NAA40: variants seen among roughly 807,000 people sequenced by gnomAD.
NAA40 encodes N-alpha-acetyltransferase 40.
Under a neutral mutation model 36.6 loss-of-function variants are expected in NAA40, and 26 were observed. The observed-to-expected ratio is 0.71, with a 90% CI of 0.52 to 0.98. The LOEUF (loss-of-function observed/expected upper bound fraction) is 0.98. NAA40 is among the 50% of genes least tolerant of loss of function. The pLI is 0.00. For missense variants in NAA40, 237 were observed against 306.5 expected (o/e 0.77, Z 1.69); for synonymous variants, 129 against 108.4 (o/e 1.19, Z -1.18).
chr11:63,953,830 A>T (rs1214503543), intron 6 of NAA40, 142 bp from the exon 7 acceptor site: 5 of 705,864 alleles, frequency 7.1e-6, no homozygotes, highest in Non-Finnish European at 1.2e-5. Flanking sequence ...GGGTCCCACT[A>T]TGTTTTCCAG....
chr11:63,943,036 G>A (rs1942131872), intron 1 of NAA40, among the ~76,000 whole-genome samples: 1 of 152,196 alleles, frequency 6.6e-6, no homozygotes. Context: ...TGATCCCTGA[G>A]CCCTGTATAA....
At chr11:63,952,636 A>G (rs1358950634) in intron 5 of NAA40, 71 bp downstream of exon 5, 2 of 1,603,754 alleles carry the variant, frequency 1.2e-6, no homozygotes, top group East Asian at 4.5e-5. Flanking sequence ...CAGCCAGGTG[A>G]CAAAGCCCCT....
intron 3 of NAA40, among the ~76,000 whole-genome samples, chr11:63,949,004 G>C (rs1385338645): frequency 6.6e-6 from 1 of 152,044 alleles, no homozygotes; most frequent in Non-Finnish European, 1.5e-5. Flanking sequence ...GACATAGGAA[G>C]ACCCTGTCTC....
At chr11:63,940,507 A>T (rs753759058) in intron 1 of NAA40, among the ~76,000 whole-genome samples, 45 of 152,170 alleles carry the variant, frequency 3.0e-4, no homozygotes, top group Non-Finnish European at 5.6e-4. Context: ...TGTAATTGGG[A>T]TGCTAATACC....
intron 3 of NAA40, among the ~76,000 whole-genome samples, chr11:63,951,288 T>C (rs1181695138): frequency 6.6e-6 from 1 of 152,192 alleles, no homozygotes; most frequent in Non-Finnish European, 1.5e-5. Flanking sequence ...ACCTTAACAC[T>C]TAGGCATTTG....
Position 63,956,127 on chromosome 11 carries a change from A to C in NAA40, c.*1648A>C, listed in dbSNP as rs528669165. ...CTTTGCGCTGCTCTTGATGGGCAGC[A>C]GTGGGACTGGGAACTCCTTAGAGAG... is the stretch of plus-strand genomic sequence containing the variant. On this transcript the variant is annotated 3_prime_UTR_variant, in exon 8 of 8. Transcript: ENST00000377793. 6.5e-6 allele frequency: 1 copy of C among 152,736 alleles called. No homozygotes were observed. Among genetic ancestry groups the C allele is most frequent in the Admixed American group, 6.5e-5 (1 of 15,286 alleles). 9.5% of individuals were successfully genotyped at this position (152,736 alleles called of 1,614,324 possible). A position where few individuals can be genotyped will look rare whatever the true frequency, so the allele number is the denominator to read the frequency against.
At position 63,952,537 on chromosome 11, in the gene NAA40, G is replaced by T. The variant is rs146570124; in HGVS notation, c.382G>T (p.Val128Leu). The T allele has an allele frequency of 6.2e-7, 1 of 1,614,166 alleles. No individual in the cohort carries two copies. The highest frequency in any genetic ancestry group is 1.1e-5 in the South Asian group (1 of 91,084). Residue 128 changes from valine to leucine, a missense_variant, in exon 5 of 8, where the codon GTG becomes TTG. Coordinates refer to ENST00000377793, the MANE Select transcript of NAA40 (RefSeq NM_024771.4). ...TGCCTTTTCTCACTTCCGGTTTGAC[G>T]TGGAGTGTGGGGATGAAGTCCTGTA... ...PVAFSHFRFDVECGDEVLYCY... is the reference protein window; with the variant it reads ...PVAFSHFRFDLECGDEVLYCY...
intron 1 of NAA40, among the ~76,000 whole-genome samples, chr11:63,940,784 C>A (rs1418638539): frequency 6.6e-6 from 1 of 152,042 alleles, no homozygotes; most frequent in Non-Finnish European, 1.5e-5. Context: ...TCAAAACAGT[C>A]ATCGTGTTTT....
rs750580507 is a variant in NAA40 at position 63,952,351 on chromosome 11, AG to A, written c.251+22del. The A allele has an allele frequency of 6.2e-7, 1 of 1,613,478 alleles. No homozygotes were observed. The highest frequency in any genetic ancestry group is 8.5e-7 in the Non-Finnish European group (1 of 1,179,444). On this transcript the variant is annotated intron_variant, in intron 4 of 7. Coordinates refer to ENST00000377793, the MANE Select transcript of NAA40 (RefSeq NM_024771.4). ...CAAACCATGTAAGCTTGTCCCAACC[AG>A]GGGAGCCTAGTTCCTCTCGCAGCTT... is the stretch of plus-strand genomic sequence containing the variant.
intron 1 of NAA40, among the ~76,000 whole-genome samples, chr11:63,940,551 A>T (rs183968474): frequency 7.9e-5 from 12 of 152,316 alleles, no homozygotes; most frequent in Non-Finnish European, 1.8e-4. Context: ...ATTAAGTGAG[A>T]TAATGGATGT....
intron 5 of NAA40, 21 bp downstream of exon 5, chr11:63,952,586 G>T: frequency 6.2e-7 from 1 of 1,611,470 alleles, no homozygotes; most frequent in Non-Finnish European, 8.5e-7. Context: ...TGGCTTGGGG[G>T]AGGTAGGGGA....
chr11:63,956,876 G>GGCAGGAGACTCGCTTGAAC lies in NAA40; in HGVS notation c.*2398_*2416dup, dbSNP rs1448169703. The GGCAGGAGACTCGCTTGAAC allele has an allele frequency of 6.6e-6, 1 of 152,020 alleles. No homozygotes were observed. Among genetic ancestry groups the GGCAGGAGACTCGCTTGAAC allele is most frequent in the African/African-American group, 2.4e-5 (1 of 41,382 alleles). 9.4% of individuals were successfully genotyped at this position (152,020 alleles called of 1,614,324 possible). A position where few individuals can be genotyped will look rare whatever the true frequency, so the allele number is the denominator to read the frequency against. On this transcript the variant is annotated 3_prime_UTR_variant, in exon 8 of 8. Transcript: ENST00000377793. Reference sequence around the variant, plus strand: ...TAATCCCAGCTACTCGGGAGGCTGAGGCAGGAGACTCGCTTGAACCCAGGA... The same window carrying GGCAGGAGACTCGCTTGAAC: ...TAATCCCAGCTACTCGGGAGGCTGAGGCAGGAGACTCGCTTGAACGCAGGAGACTCGCTTGAACCCAGGA...
chr11:63,955,347 A>G lies in NAA40; in HGVS notation c.*868A>G, dbSNP rs1163517458. The G allele has an allele frequency of 3.3e-5, 5 of 152,418 alleles. No homozygotes were observed. Among genetic ancestry groups the G allele is most frequent in the African/African-American group, 1.2e-4 (5 of 41,352 alleles). 9.4% of individuals were successfully genotyped at this position (152,418 alleles called of 1,614,324 possible). A position where few individuals can be genotyped will look rare whatever the true frequency, so the allele number is the denominator to read the frequency against. On this transcript the variant is annotated 3_prime_UTR_variant, in exon 8 of 8. Transcript: ENST00000377793. ...TCTTTCTCCTCTGCCTCTCACCTCT[A>G]CCCCAAATACCTCTGTTCTTAGTCT...
At chr11:63,940,351 A>G (rs1206137197) in intron 1 of NAA40, among the ~76,000 whole-genome samples, 1 of 152,146 alleles carries the variant, frequency 6.6e-6, no homozygotes, top group East Asian at 1.9e-4. Context: ...ACAGGCCTAT[A>G]TTAGTATTTA....
rs1375897214 is a variant in NAA40 at position 63,957,286 on chromosome 11, A to G, written c.*2807A>G. ...AGTGATCTCTTCTTGCATTGGTTGT[A>G]TTTGTATGTCACAAATAAAAGACAC... On this transcript the variant is annotated 3_prime_UTR_variant, in exon 8 of 8. Transcript: ENST00000377793. 6.7e-6 allele frequency: 1 copy of G among 149,568 alleles called. No homozygotes were observed. Among genetic ancestry groups the G allele is most frequent in the African/African-American group, 2.5e-5 (1 of 40,214 alleles). The allele number at this position is 149,568 out of a possible 1,614,324, so 9.3% of individuals were successfully genotyped here.
intron 3 of NAA40, among the ~76,000 whole-genome samples, chr11:63,949,996 G>A (rs1456072116): frequency 2.0e-5 from 3 of 151,786 alleles, no homozygotes; most frequent in Non-Finnish European, 2.9e-5. Context: ...CGCCCGCCTC[G>A]GCCTCCCAAA....
intron 6 of NAA40, among the ~76,000 whole-genome samples, chr11:63,953,245 T>C (rs955880616): frequency 6.6e-6 from 1 of 151,878 alleles, no homozygotes; most frequent in Non-Finnish European, 1.5e-5. Flanking sequence ...ACGGGGTTTC[T>C]CCATGTTAAG....
intron 3 of NAA40, among the ~76,000 whole-genome samples, chr11:63,950,466 A>T (rs1199305536): frequency 1.4e-5 from 2 of 148,062 alleles, no homozygotes; most frequent in Admixed American, 6.8e-5. Context: ...GTGATATCTC[A>T]TAGTGTTTTC....
At chr11:63,944,477 G>A (rs1362048141) in intron 1 of NAA40, among the ~76,000 whole-genome samples, 2 of 152,134 alleles carry the variant, frequency 1.3e-5, no homozygotes, top group Non-Finnish European at 2.9e-5. Context: ...CCTGGGGAGA[G>A]AGAATGAGAA....
Sources: gnomAD v4.1 joint callset for allele counts (sites outside exome capture counted in the v4.1 genomes callset) on GRCh38, gnomAD v4.1.1 for gene constraint, MANE v1.5 for transcripts, NCBI Gene and HGNC (gene_info 2026-07-23, HGNC 2026-07-21) for gene names.